DOCK3: variants seen among roughly 807,000 people sequenced by gnomAD.
DOCK3 encodes dedicator of cytokinesis protein 3.
A neutral mutation model predicts 265.6 loss-of-function variants in DOCK3; 60 were observed. The ratio of observed to expected loss-of-function variants is 0.23; its 90% CI spans 0.18 to 0.28. DOCK3 has a LOEUF of 0.28. DOCK3 is among the 10% of genes least tolerant of loss of function. The pLI, the probability that DOCK3 is intolerant of heterozygous loss-of-function variation, is 1.00. For synonymous variants in DOCK3, 881 were observed against 938.0 expected (o/e 0.94, Z 1.11); for missense variants, 1,981 against 2,594.3 (o/e 0.76, Z 5.14).
intron 5 of DOCK3, among the ~76,000 whole-genome samples, chr3:50,946,177 T>C (rs1419883490): frequency 6.6e-6 from 1 of 152,052 alleles, no homozygotes; most frequent in Non-Finnish European, 1.5e-5. Flanking sequence ...ATTTGACTTT[T>C]GTTGCTATTT....
At chr3:51,259,028 G>A (rs1403542841) in intron 22 of DOCK3, among the ~76,000 whole-genome samples, 1 of 152,208 alleles carries the variant, frequency 6.6e-6, no homozygotes, top group South Asian at 2.1e-4. Flanking sequence ...CAAGTGTCTG[G>A]GTTTAGAAAC....
intron 5 of DOCK3, among the ~76,000 whole-genome samples, chr3:51,061,878 A>G (rs1373623170): frequency 6.6e-6 from 1 of 152,158 alleles, no homozygotes; most frequent in African/African-American, 2.4e-5. Flanking sequence ...CAGACTTAGC[A>G]TGTCCAAAAT....
At chr3:51,092,604 C>A (rs2082679685) in intron 9 of DOCK3, among the ~76,000 whole-genome samples, 1 of 152,226 alleles carries the variant, frequency 6.6e-6, no homozygotes. Flanking sequence ...ACTTTAGTTT[C>A]CCTGCCTGAT....
intron 14 of DOCK3, among the ~76,000 whole-genome samples, chr3:51,224,850 G>A (rs908067146): frequency 6.6e-6 from 1 of 152,086 alleles, no homozygotes; most frequent in African/African-American, 2.4e-5. Context: ...AACAGGCAAT[G>A]CTGTCTCCCC....
intron 2 of DOCK3, among the ~76,000 whole-genome samples, chr3:50,837,085 A>T (rs1045449463): frequency 5.3e-5 from 8 of 152,192 alleles, no homozygotes; most frequent in African/African-American, 1.9e-4. Context: ...AAACTTTCCC[A>T]CATCTTTCTG....
At chr3:50,795,347 G>A (rs563046217) in intron 2 of DOCK3, among the ~76,000 whole-genome samples, 2 of 152,070 alleles carry the variant, frequency 1.3e-5, no homozygotes, top group African/African-American at 2.4e-5. Context: ...CACACTCCCT[G>A]TCTCTTTCAG....
intron 12 of DOCK3, among the ~76,000 whole-genome samples, chr3:51,202,191 G>A: frequency 8.4e-6 from 1 of 119,488 alleles, no homozygotes. Context: ...AGGAAATAGA[G>A]ACACAAAAAA....
chr3:51,236,422 G>C lies in DOCK3; in HGVS notation c.1995G>C (p.Gln665His), dbSNP rs2078352069. The C allele has an allele frequency of 6.2e-7, 1 of 1,608,970 alleles. No individual in the cohort carries two copies. The highest frequency in any genetic ancestry group is 1.7e-5 in the Admixed American group (1 of 58,706). ...NTEKYGLLVFQSLVFIINLLR... is the reference protein window; with the variant it reads ...NTEKYGLLVFHSLVFIINLLR... ...AGAAGTACGGCCTGTTGGTTTTTCAGTCTCTGGTAAGTCACCTTCCTGACT... is the reference window on the plus strand; with the variant it reads ...AGAAGTACGGCCTGTTGGTTTTTCACTCTCTGGTAAGTCACCTTCCTGACT... Residue 665 changes from glutamine to histidine, a missense_variant, in exon 20 of 53, where the codon CAG becomes CAC. Physicochemically the swap from Gln to His is conservative, Grantham distance 24. Transcript: ENST00000266037.
At chr3:50,731,141 A>G (rs2038185036) in intron 1 of DOCK3, among the ~76,000 whole-genome samples, 1 of 152,052 alleles carries the variant, frequency 6.6e-6, no homozygotes, top group Non-Finnish European at 1.5e-5. Context: ...CAAAAAAAAA[A>G]AAAAAAGTTC....
intron 6 of DOCK3, among the ~76,000 whole-genome samples, chr3:51,069,876 C>G (rs2081778056): frequency 6.6e-6 from 1 of 152,168 alleles, no homozygotes; most frequent in African/African-American, 2.4e-5. Context: ...GTACTTTACC[C>G]TTAAGGACTC....
intron 1 of DOCK3, among the ~76,000 whole-genome samples, chr3:50,741,000 C>T (rs1048846713): frequency 1.3e-5 from 2 of 151,966 alleles, no homozygotes; most frequent in African/African-American, 2.4e-5. Context: ...TTCTCCCCTC[C>T]CCCAAGTCTA....
chr3:50,783,594 A>G (rs556915469), intron 2 of DOCK3, among the ~76,000 whole-genome samples: 1 of 151,854 alleles, frequency 6.6e-6, no homozygotes, highest in Non-Finnish European at 1.5e-5. Context: ...TAGATTCTGG[A>G]TATTAGTCCT....
chr3:50,876,614 G>A (rs1368309074), intron 3 of DOCK3: 3 of 152,250 alleles, frequency 2.0e-5, no homozygotes, highest in South Asian at 2.1e-4. Context: ...GAGGTACACC[G>A]GTTTGTATTA....
chr3:50,730,335 G>T (rs1056300333), intron 1 of DOCK3, among the ~76,000 whole-genome samples: 2 of 151,008 alleles, frequency 1.3e-5, no homozygotes, highest in Admixed American at 1.3e-4. Context: ...TAGAGATGGG[G>T]TTTTGCCATG....
At chr3:51,008,080 G>A (rs558236396) in intron 5 of DOCK3, among the ~76,000 whole-genome samples, 42 of 152,246 alleles carry the variant, frequency 2.8e-4, no homozygotes, top group African/African-American at 9.4e-4. Context: ...TGTTGTTTTG[G>A]CTTAGGATTG....
chr3:50,871,106 C>T (rs1167359150), intron 3 of DOCK3, among the ~76,000 whole-genome samples: 3 of 151,964 alleles, frequency 2.0e-5, no homozygotes, highest in East Asian at 1.9e-4. Flanking sequence ...CGATGAGTTT[C>T]GTACCTTCAG....
chr3:51,346,929 A>G (rs1468395017), intron 38 of DOCK3, among the ~76,000 whole-genome samples: 1 of 152,182 alleles, frequency 6.6e-6, no homozygotes, highest in Non-Finnish European at 1.5e-5. Flanking sequence ...TGGCTACATA[A>G]ATGTCTTCTT....
intron 1 of DOCK3, among the ~76,000 whole-genome samples, chr3:50,710,552 T>C (rs889330377): frequency 2.0e-5 from 3 of 152,220 alleles, no homozygotes; most frequent in African/African-American, 4.8e-5. Flanking sequence ...CACTTTTACA[T>C]TGGTGGTGGG....
At chr3:51,224,024 C>CAA (rs1328961470) in intron 14 of DOCK3, among the ~76,000 whole-genome samples, 1 of 152,158 alleles carries the variant, frequency 6.6e-6, no homozygotes, top group Non-Finnish European at 1.5e-5. Flanking sequence ...CTTCCCAATC[C>CAA]AAGGGTTTGT....
Sources: allele counts gnomAD v4.1 joint callset (sites outside exome capture counted in the v4.1 genomes callset), GRCh38; gene constraint gnomAD v4.1.1; transcripts MANE v1.5; gene names NCBI Gene and HGNC (gene_info 2026-07-23, HGNC 2026-07-21).